Variants in LLGL2 observed in about 807,000 individuals in gnomAD.
The protein encoded by LLGL2 is LLGL scribble cell polarity complex component 2.
Under a neutral mutation model 123.2 loss-of-function variants are expected in LLGL2, and 81 were observed. That is an observed-to-expected ratio of 0.66 (90% confidence interval 0.55 to 0.79). The LOEUF (loss-of-function observed/expected upper bound fraction) is 0.79, where lower values mean the gene tolerates loss of function less well. Among genes scored for constraint, LLGL2 ranks in the 30% least tolerant of loss-of-function variants. The pLI is 0.00. For missense variants in LLGL2, 1,273 were observed against 1,414.6 expected, an observed-to-expected ratio of 0.90 and a Z score of 1.61; for synonymous variants, 577 against 594.1, an observed-to-expected ratio of 0.97 and a Z score of 0.42.
chr17:75,571,480 C>T, intron 17 of LLGL2, 187 bp from the exon 18 acceptor site: 1 of 600,608 alleles, frequency 1.7e-6, no homozygotes, highest in Admixed American at 2.9e-5. Context: ...GGCTGGTTCT[C>T]CCCTGCTGTA....
intron 6 of LLGL2, among the ~76,000 whole-genome samples, chr17:75,561,263 A>C (rs1280810526): frequency 6.6e-6 from 1 of 152,242 alleles, no homozygotes. Flanking sequence ...TGATCATTGT[A>C]GGGCTGTTTT....
intron 1 of LLGL2, among the ~76,000 whole-genome samples, chr17:75,526,508 C>T (rs150327727): frequency 5.3e-5 from 8 of 152,274 alleles, no homozygotes; most frequent in African/African-American, 1.9e-4. Context: ...TTAGTTTGTT[C>T]CGGCTGGACG....
At chr17:75,556,019 G>C in intron 2 of LLGL2, 27 bp from the exon 3 acceptor site, 1 of 1,587,388 alleles carries the variant, frequency 6.3e-7, no homozygotes, top group Non-Finnish European at 8.6e-7. Context: ...AGGTCTGCAG[G>C]CCCACCCCAC....
chr17:75,543,922 C>T (rs1243170113), intron 2 of LLGL2, among the ~76,000 whole-genome samples: 1 of 152,150 alleles, frequency 6.6e-6, no homozygotes, highest in Non-Finnish European at 1.5e-5. Context: ...AGTCACAGGC[C>T]ATGGCTGTTT....
In LLGL2 at chr17:75,573,210, G is replaced by A. The variant is rs139000321; in HGVS notation, c.2657G>A (p.Arg886His). The change falls in exon 20 of 26, where the codon CGC becomes CAC. Residue 886 changes from arginine (R) to histidine (H), a missense_variant. Coordinates refer to ENST00000392550, the MANE Select transcript of LLGL2 (RefSeq NM_001031803.2). ...CTGCCCCTGCTCAAGCCCCAGGTGC[G>A]CTACAGCTGCATCCGCCGGGAGGAC... Reference protein sequence around the residue: ...VSLPLLKPQVRYSCIRREDVS... With the variant: ...VSLPLLKPQVHYSCIRREDVS... The A allele has an allele frequency of 7.2e-5, 116 of 1,612,060 alleles. No homozygotes were observed. In the African/African-American group the frequency reaches 1.0e-3, roughly 14 times the overall value.
chr17:75,548,173 T>C (rs2054508192), intron 2 of LLGL2, among the ~76,000 whole-genome samples: 1 of 151,656 alleles, frequency 6.6e-6, no homozygotes, highest in East Asian at 1.9e-4. Context: ...TCTAAAACCC[T>C]CTATTCGCAA....
Position 75,558,921 on chromosome 17 carries a change from ACCCCACCTCCTCCATCCG to A in LLGL2, c.371+296_372-312del, listed in dbSNP as rs1568052338. On this transcript the variant is annotated intron_variant, in intron 5 of 25. Transcript: ENST00000392550. The surrounding 1 kb of genome is among the most constrained non-coding windows in gnomAD (Gnocchi z 4.0). ...TCCACACCACGCCTCCTCCATCCGC[ACCCCACCTCCTCCATCCG>A]CACCCCGCCTCCTCCATCCGCACCC... 383 of 298,600 alleles carry A rather than the reference ACCCCACCTCCTCCATCCG, an allele frequency of 1.3e-3. 1 individual carries two copies. Among genetic ancestry groups the A allele is most frequent in the African/African-American group, 3.0e-3 (93 of 31,026 alleles). The allele number at this position is 298,600 out of a possible 1,614,324, so 18.5% of individuals were successfully genotyped here.
At chr17:75,526,665 G>A (rs1448571414) in intron 1 of LLGL2, among the ~76,000 whole-genome samples, 4 of 152,090 alleles carry the variant, frequency 2.6e-5, no homozygotes, top group Non-Finnish European at 4.4e-5. Flanking sequence ...GCGACTGCCG[G>A]CAGCCTTAAC....
rs761084556 is a variant in LLGL2, at chr17:75,572,071, C to G, written c.2460+7C>G. 3 of 1,607,412 alleles carry G rather than the reference C, an allele frequency of 1.9e-6. No homozygotes were observed. In the East Asian group the frequency reaches 6.7e-5, roughly 36 times the overall value. On this transcript the variant is annotated splice_region_variant and intron_variant, in intron 19 of 25. Transcript: ENST00000392550. ...ATCAGAGGAGCAGTTCAAGGTGCCA[C>G]ACGGGCAGCGGCGGGTCTCCCTGGG...
chr17:75,570,218 C>A lies in LLGL2; in HGVS notation c.1837C>A (p.Leu613Ile). The A allele has an allele frequency of 6.2e-7, 1 of 1,600,782 alleles. No homozygotes were observed. Among genetic ancestry groups the A allele is most frequent in the East Asian group, 2.3e-5 (1 of 44,338 alleles). Residue 613 changes from leucine (L) to isoleucine (I), a missense_variant, in exon 15 of 26, where the codon CTC becomes ATC. Coordinates refer to ENST00000392550, the MANE Select transcript of LLGL2 (RefSeq NM_001031803.2). ...VAFGTSHGFG[L>I]FDHQQRRQVF... ...CTTCGGCACCAGCCATGGCTTTGGC[C>A]TCTTTGACCACCAGCAGCGGCGGCA...
intron 17 of LLGL2, 55 bp from the exon 18 acceptor site, chr17:75,571,612 G>C: frequency 7.3e-7 from 1 of 1,373,902 alleles, no homozygotes; most frequent in Non-Finnish European, 1.0e-6. Context: ...TGGTTGCCCA[G>C]CTCCACCCGA....
intron 2 of LLGL2, among the ~76,000 whole-genome samples, chr17:75,548,625 G>A (rs1015724160): frequency 2.0e-5 from 3 of 151,308 alleles, no homozygotes; most frequent in East Asian, 2.0e-4. Context: ...GCATGGTGGC[G>A]CACACCTGTA....
intron 1 of LLGL2, among the ~76,000 whole-genome samples, 199 bp downstream of exon 1, chr17:75,526,024 A>C (rs1013485515): frequency 5.9e-5 from 9 of 151,996 alleles, no homozygotes; most frequent in Non-Finnish European, 1.2e-4. Context: ...TCTGCGGGAA[A>C]CTTCTCTGCC....
chr17:75,566,796 G>A lies in LLGL2; in HGVS notation c.1037-1680G>A, dbSNP rs1661721. Among the ~76,000 whole-genome samples, 4 of 152,032 alleles carry A rather than the reference G, an allele frequency of 2.6e-5. 1 individual carries two copies. Among genetic ancestry groups the A allele is most frequent in the Admixed American group, 6.5e-5 (1 of 15,292 alleles). On this transcript the variant is annotated intron_variant, in intron 10 of 25. Coordinates refer to ENST00000392550, the MANE Select transcript of LLGL2 (RefSeq NM_001031803.2). The stretch of plus-strand genomic sequence containing the variant: ...GAGGGTGCAGCAAGCTCAGCTGGGC[G>A]GGGATCAAGTCTGAGGACTTAATGT...
Position 75,563,450 on chromosome 17 carries a change from C to A in LLGL2, c.813C>A (p.Ser271Arg). The change falls in exon 8 of 26, where the codon AGC becomes AGA. Residue 271 changes from serine (S) to arginine (R), a missense_variant. Coordinates refer to ENST00000392550, the MANE Select transcript of LLGL2 (RefSeq NM_001031803.2). ...CCCAGCAACCAGAGCCCCTCCGCAG[C>A]CTCGTGCCTTACGGTCAGTGTTTCA... is the stretch of plus-strand genomic sequence containing the variant. ...SEAQQPEPLR[S>R]LVPYGPFPCK... The A allele has an allele frequency of 6.2e-7, 1 of 1,612,618 alleles. No individual in the cohort carries two copies. The highest frequency in any genetic ancestry group is 8.5e-7 in the Non-Finnish European group (1 of 1,180,012).
upstream of LLGL2, chr17:75,525,067 C>T (rs1394214197): frequency 6.5e-6 from 1 of 154,662 alleles, no homozygotes. This position sits in a 1 kb window ranked among gnomAD's most constrained non-coding sequence, Gnocchi z 4.8. Flanking sequence ...GCTGCAGCCC[C>T]GGCCTCCGCG....
chr17:75,573,617 CCCGAG>C lies in LLGL2; in HGVS notation c.2870_2874del (p.Arg957GlnfsTer8). On this transcript the variant is annotated frameshift_variant, in exon 21 of 26. Coordinates refer to ENST00000392550, the MANE Select transcript of LLGL2 (RefSeq NM_001031803.2). LOFTEE classifies it high-confidence loss of function. ...GTAACGGTGCGGGCCCCAAGAAGGC[CCCGAG>C]CCGAGCCAGGTGAGTGAAAGGGCCA... 1 of 1,608,772 alleles carries C rather than the reference CCCGAG, an allele frequency of 6.2e-7. No individual in the cohort carries two copies. Among genetic ancestry groups the C allele is most frequent in the Non-Finnish European group, 8.5e-7 (1 of 1,178,392 alleles).
chr17:75,551,113 C>T (rs1482971132), intron 2 of LLGL2, among the ~76,000 whole-genome samples: 1 of 152,200 alleles, frequency 6.6e-6, no homozygotes, highest in Non-Finnish European at 1.5e-5. Context: ...AAACCATTCT[C>T]TTGGCCCTGT....
intron 1 of LLGL2, among the ~76,000 whole-genome samples, chr17:75,529,643 A>G (rs2053703107): frequency 6.6e-6 from 1 of 151,972 alleles, no homozygotes. Flanking sequence ...CAGACGGATC[A>G]TGAGGTCAGG....
Sources: gnomAD v4.1 joint callset for allele counts (sites outside exome capture counted in the v4.1 genomes callset) on GRCh38, gnomAD v4.1.1 for gene constraint, Gnocchi (gnomAD v3.1) non-coding constraint, MANE v1.5 for transcripts, NCBI Gene and HGNC (gene_info 2026-07-23, HGNC 2026-07-21) for gene names.